The following DNASE1 variants were observed in gnomAD, a reference collection of about 807,000 sequenced individuals.
DNASE1 encodes deoxyribonuclease 1.
DNASE1 carries 40 observed loss-of-function variants against 33.9 expected under a neutral mutation model. The ratio of observed to expected loss-of-function variants is 1.18; its 90% CI spans 0.92 to 1.54. The LOEUF is 1.54. Among genes scored for constraint, DNASE1 ranks in the 40% most tolerant of loss-of-function variants. DNASE1 has a pLI of 0.00. For missense variants in DNASE1, 518 were observed against 372.6 expected, an observed-to-expected ratio of 1.39 and a Z score of -3.21; for synonymous variants, 216 against 160.0, an observed-to-expected ratio of 1.35 and a Z score of -2.64.
intron 7 of DNASE1, 79 bp downstream of exon 7, chr16:3,657,420 C>T: frequency 1.3e-6 from 2 of 1,561,868 alleles, no homozygotes; most frequent in South Asian, 1.2e-5. Context: ...GCTTCAGAAG[C>T]CTCAAAGCCT....
At chr16:3,656,227 G>T in intron 4 of DNASE1, 42 bp downstream of exon 4, 1 of 1,593,790 alleles carries the variant, frequency 6.3e-7, no homozygotes, top group South Asian at 1.1e-5. Context: ...CCTCACCTGG[G>T]AGGGCCCCAA....
chr16:3,659,673 G>GA (rs2042951166), downstream of DNASE1: 1 of 152,048 alleles, frequency 6.6e-6, no homozygotes, highest in Non-Finnish European at 1.5e-5. Flanking sequence ...CTGGAGTCGG[G>GA]AAAACCACAT....
downstream of DNASE1, chr16:3,662,846 C>T (rs763297530): frequency 2.6e-5 from 42 of 1,603,936 alleles, no homozygotes; most frequent in South Asian, 1.5e-4. Context: ...AGGGACACTG[C>T]GGCCAAGTGG....
At chr16:3,662,781 C>T, downstream of DNASE1, 1 of 1,113,126 alleles carries the variant, frequency 9.0e-7, no homozygotes, top group Non-Finnish European at 1.4e-6. Context: ...TCTGCTGCTG[C>T]TGGAAGGACA....
intron 1 of DNASE1, among the ~76,000 whole-genome samples, chr16:3,647,873 A>G (rs1166182008): frequency 1.3e-5 from 2 of 152,056 alleles, no homozygotes; most frequent in African/African-American, 4.8e-5. Flanking sequence ...TTTTTTTTAA[A>G]TTAGCCAGGT....
chr16:3,627,561 C>A (rs183724590), intron 1 of DNASE1, among the ~76,000 whole-genome samples: 9 of 152,248 alleles, frequency 5.9e-5, no homozygotes, highest in African/African-American at 1.7e-4. Flanking sequence ...GCCAGTGCAC[C>A]TGGCTTGTCT....
Position 3,657,002 on chromosome 16 carries a change from T to C in DNASE1, c.440T>C (p.Val147Ala). Reference protein sequence around the residue: ...IVRFFSRFTEVREFAIVPLHA... With the variant: ...IVRFFSRFTEAREFAIVPLHA... The stretch of plus-strand genomic sequence containing the variant: ...CACGACGTGGCTGTCTCCACAGAGG[T>C]CAGGGAGTTTGCCATTGTTCCCCTG... Residue 147 changes from valine (V) to alanine (A), a missense_variant, in exon 6 of 9, where the codon GTC (valine) becomes GCC (alanine). Transcript: ENST00000246949. 1.2e-6 allele frequency: 2 copies of C among 1,613,240 alleles called. No homozygotes were observed. The highest frequency in any genetic ancestry group is 1.7e-6 in the Non-Finnish European group (2 of 1,179,842).
chr16:3,626,179 G>A (rs1183811179), intron 1 of DNASE1, among the ~76,000 whole-genome samples: 2 of 151,378 alleles, frequency 1.3e-5, no homozygotes, highest in African/African-American at 4.9e-5. Context: ...AATGACAAAG[G>A]ATTAATATCT....
At position 3,654,727 on chromosome 16, in the gene DNASE1, A is replaced by G. The variant is rs530547569; in HGVS notation, c.-319A>G. ...AGCAGCAAGAAACCTGTGCTTACAG[A>G]AAGAAACACGTGCTAGCAACCCACC... On this transcript the variant is annotated 5_prime_UTR_variant, in exon 1 of 9. Transcript: ENST00000246949. 2 of 394,214 alleles carry G rather than the reference A, an allele frequency of 5.1e-6. No individual in the cohort carries two copies. The highest frequency in any genetic ancestry group is 2.2e-5 in the African/African-American group (1 of 46,172). The allele number at this position is 394,214 out of a possible 1,614,324, so 24.4% of individuals were successfully genotyped here. A position where few individuals can be genotyped will look rare whatever the true frequency, so the allele number is the denominator to read the frequency against.
chr16:3,664,454 GTCC>G (rs1567224419), exon 10 of DNASE1: 1 of 1,609,838 alleles, frequency 6.2e-7, no homozygotes, highest in Admixed American at 1.7e-5. Context: ...GCTTTGCTAT[GTCC>G]TCCTAGAAGG....
downstream of DNASE1, chr16:3,658,264 G>T (rs1378611543): frequency 5.2e-6 from 8 of 1,529,042 alleles, no homozygotes; most frequent in Non-Finnish European, 7.1e-6. Context: ...ATTATGAGGG[G>T]CATGGGGCAC....
chr16:3,655,593 T>TAA (rs150296851), intron 2 of DNASE1, 73 bp downstream of exon 2: 2 of 1,606,418 alleles, frequency 1.2e-6, no homozygotes, highest in East Asian at 4.5e-5. Context: ...GGGCCAGCCC[T>TAA]ATGGAGCCAC....
chr16:3,659,025 TATACCCAGAAAACCCAAGAG>T, downstream of DNASE1: 1 of 709,040 alleles, frequency 1.4e-6, no homozygotes, highest in Non-Finnish European at 2.3e-6. Context: ...AATATCATTA[TATACCCAGAAAACCCAAGAG>T]AATCAGGAGT....
rs750700513 is a variant in DNASE1 at position 3,655,424 on chromosome 16, G to A, written c.51G>A (p.Leu17=). 19 of 1,613,954 alleles carry A rather than the reference G, an allele frequency of 1.2e-5. No individual in the cohort carries two copies. The East Asian group carries it at 4.2e-4, about 36-fold the overall frequency. The change falls in exon 2 of 9, where the codon CTG becomes CTA. Residue 17 remains leucine (L), a synonymous_variant. Transcript: ENST00000246949. ...LGALLALAAL[L]QGAVSLKIAA... is the part of the protein sequence containing the mutation. The stretch of plus-strand genomic sequence containing the variant: ...CGCTGCTGGCACTGGCGGCCCTACT[G>A]CAGGGGGCCGTGTCCCTGAAGATCG...
At chr16:3,616,673 G>A (rs1416002552) in intron 1 of DNASE1, among the ~76,000 whole-genome samples, 1 of 144,720 alleles carries the variant, frequency 6.9e-6, no homozygotes, top group Non-Finnish European at 1.5e-5. Flanking sequence ...ATTGCAAGGG[G>A]CTCTTAATAC....
intron 1 of DNASE1, among the ~76,000 whole-genome samples, chr16:3,625,551 A>T (rs746644618): frequency 9.2e-5 from 14 of 152,102 alleles, no homozygotes; most frequent in South Asian, 2.1e-4. Flanking sequence ...TGAGCCCAGG[A>T]GGTCGAGGCT....
chr16:3,643,624 G>A (rs908897124), intron 1 of DNASE1, among the ~76,000 whole-genome samples: 10 of 152,240 alleles, frequency 6.6e-5, no homozygotes, highest in African/African-American at 2.2e-4. Flanking sequence ...CTGACACTCA[G>A]TTGAAGGCAA....
At chr16:3,664,571 G>A in exon 10 of DNASE1, 1 of 1,209,286 alleles carries the variant, frequency 8.3e-7, no homozygotes, top group Non-Finnish European at 1.1e-6. Flanking sequence ...CTCCAGGCTG[G>A]CCCTGACCCG....
In DNASE1 at chr16:3,617,113, G is replaced by A. The variant is rs541955452; in HGVS notation, c.-1359+5107G>A. Among the ~76,000 whole-genome samples, 12 of 151,858 alleles carry A rather than the reference G, an allele frequency of 7.9e-5. No individual in the cohort carries two copies. In the East Asian group the frequency reaches 1.4e-3, roughly 17 times the overall value. On this transcript the variant is annotated intron_variant and NMD_transcript_variant, in intron 1 of 11. Transcript: ENST00000570769. The stretch of plus-strand genomic sequence containing the variant: ...TCCCAGCACTTTTGGCATCACCAGA[G>A]GTCAGGAGTTTGAGACCAGCCTGAC...
Sources: allele counts gnomAD v4.1 joint callset (sites outside exome capture counted in the v4.1 genomes callset), GRCh38; gene constraint gnomAD v4.1.1; transcripts MANE v1.5; gene names NCBI Gene and HGNC (gene_info 2026-07-23, HGNC 2026-07-21).